Variants in KANSL1 observed in about 807,000 individuals in gnomAD.
KANSL1 encodes KAT8 regulatory NSL complex subunit 1.
KANSL1 carries 22 observed loss-of-function variants against 103.6 expected under a neutral mutation model. The observed-to-expected ratio is 0.21, with a 90% CI of 0.15 to 0.30. The LOEUF (loss-of-function observed/expected upper bound fraction) is 0.30, where lower values mean the gene tolerates loss of function less well. Among genes scored for constraint, KANSL1 ranks in the 10% least tolerant of loss-of-function variants. The pLI is 1.00. For synonymous variants in KANSL1, 600 were observed against 527.6 expected (o/e 1.14, Z -1.88); for missense variants, 1,337 against 1,399.8 (o/e 0.96, Z 0.72).
chr17:46,210,497 A>AT (rs1416449800), intron 1 of KANSL1, among the ~76,000 whole-genome samples: 2 of 516 alleles, frequency 3.9e-3, no homozygotes, highest in East Asian at 0.25. Flanking sequence ...AAAAAAAAAA[A>AT]AAAAAGACCT....
At chr17:46,196,859 C>A, upstream of KANSL1, 1 of 175,334 alleles carries the variant, frequency 5.7e-6, no homozygotes, top group Non-Finnish European at 1.2e-5. Flanking sequence ...ATAATCCCAG[C>A]ACTTTGAGAG....
intron 2 of KANSL1, among the ~76,000 whole-genome samples, chr17:46,168,733 C>A (rs543138215): frequency 9.8e-5 from 15 of 152,350 alleles, no homozygotes; most frequent in African/African-American, 3.6e-4. Flanking sequence ...CATGAAAATT[C>A]AACTTTTTAA....
intron 1 of KANSL1, among the ~76,000 whole-genome samples, chr17:46,218,425 C>T (rs2048407611): frequency 6.6e-6 from 1 of 152,238 alleles, no homozygotes; most frequent in Non-Finnish European, 1.5e-5. Context: ...AATGAGCTTA[C>T]CCAGTATCAC....
rs1268421575 is a variant in KANSL1 at position 46,146,870 on chromosome 17, C to T, written c.1289+23985G>A. On this transcript the variant is annotated intron_variant, in intron 2 of 14. Coordinates refer to ENST00000432791, the MANE Select transcript of KANSL1 (RefSeq NM_015443.4). ...AAAAAAAAAAAAAGAAGTTGACAGG[C>T]CTAAAAGGTTTCACATTTAGATGTT... Among the ~76,000 whole-genome samples the T allele has an allele frequency of 4.0e-5, 6 of 149,632 alleles. No homozygotes were observed. The East Asian group carries it at 1.2e-3, about 29-fold the overall frequency.
intron 3 of KANSL1, among the ~76,000 whole-genome samples, chr17:46,085,931 A>T (rs964392486): frequency 6.6e-6 from 1 of 152,204 alleles, no homozygotes; most frequent in Non-Finnish European, 1.5e-5. Flanking sequence ...CCCAGCCTTT[A>T]ATTGTTAACT....
intron 6 of KANSL1, among the ~76,000 whole-genome samples, chr17:46,053,645 C>G (rs1259427689): frequency 6.6e-6 from 1 of 152,120 alleles, no homozygotes; most frequent in East Asian, 1.9e-4. Context: ...CATTGTTAGC[C>G]AGGATGGTCT....
At chr17:46,070,481 G>C (rs946129936) in intron 4 of KANSL1, among the ~76,000 whole-genome samples, 2 of 152,036 alleles carry the variant, frequency 1.3e-5, no homozygotes, top group African/African-American at 4.8e-5. Flanking sequence ...CCTCCTGAAT[G>C]CTAGTAAGGA....
chr17:46,112,431 T>C (rs1224487666), intron 2 of KANSL1, among the ~76,000 whole-genome samples: 1 of 138,406 alleles, frequency 7.2e-6, no homozygotes, highest in African/African-American at 2.7e-5. Context: ...ACGCTTGTAA[T>C]CTCAGCCCTT....
intron 2 of KANSL1, among the ~76,000 whole-genome samples, chr17:46,123,272 G>C (rs1416486229): frequency 1.3e-5 from 2 of 152,200 alleles, no homozygotes; most frequent in Non-Finnish European, 2.9e-5. Context: ...AGCTACTCAG[G>C]AGGCTGAGGC....
chr17:46,156,883 A>C (rs1312803469), intron 2 of KANSL1: 1 of 147,660 alleles, frequency 6.8e-6, no homozygotes, highest in Non-Finnish European at 1.5e-5. Flanking sequence ...TGGGTGACAG[A>C]GTGAGACTCT....
At position 46,153,031 on chromosome 17, in the gene KANSL1, T is replaced by C. The variant is rs553845901; in HGVS notation, c.1289+17824A>G. The stretch of plus-strand genomic sequence containing the variant: ...ATAAAACATTACAAACTTAAAGCAG[T>C]ATTTTTTAAAATCTAAAGGGCTTAG... On this transcript the variant is annotated intron_variant, in intron 2 of 14. Transcript: ENST00000432791. 5 of 152,360 alleles carry C rather than the reference T, an allele frequency of 3.3e-5. No homozygotes were observed. In the East Asian group the frequency reaches 9.6e-4, roughly 29 times the overall value. The allele number at this position is 152,360 out of a possible 1,614,324, so 9.4% of individuals were successfully genotyped here.
chr17:46,182,365 T>G (rs144284651), intron 1 of KANSL1, among the ~76,000 whole-genome samples: 6 of 152,328 alleles, frequency 3.9e-5, no homozygotes, highest in African/African-American at 1.2e-4. Context: ...GAACAGTGAT[T>G]TGTGATGAAG....
intron 2 of KANSL1, among the ~76,000 whole-genome samples, chr17:46,126,396 C>T (rs1265400533): frequency 6.6e-6 from 1 of 152,036 alleles, no homozygotes; most frequent in Non-Finnish European, 1.5e-5. Flanking sequence ...GAGTCGAGAT[C>T]GCGCCATTGC....
intron 2 of KANSL1, among the ~76,000 whole-genome samples, chr17:46,139,027 C>T (rs1212867762): frequency 2.0e-5 from 3 of 152,176 alleles, no homozygotes; most frequent in East Asian, 3.8e-4. Flanking sequence ...TTCTAATCTG[C>T]TAAGAAGTCT....
At chr17:46,062,354 GCTTT>G (rs1263127886) in intron 6 of KANSL1, among the ~76,000 whole-genome samples, 15 of 109,642 alleles carry the variant, frequency 1.4e-4, no homozygotes, top group African/African-American at 4.2e-4. Flanking sequence ...TATAACAACA[GCTTT>G]TTTTTTTTTT....
intron 2 of KANSL1, among the ~76,000 whole-genome samples, chr17:46,119,267 T>TA (rs985447518): frequency 1.3e-5 from 2 of 152,080 alleles, no homozygotes; most frequent in African/African-American, 4.8e-5. Flanking sequence ...CAAGCACAGG[T>TA]AAAATCTACA....
At chr17:46,197,339 C>T (rs1221027368), upstream of KANSL1, among the ~76,000 whole-genome samples, 1 of 152,188 alleles carries the variant, frequency 6.6e-6, no homozygotes, top group Non-Finnish European at 1.5e-5. Flanking sequence ...ATCGTCTACT[C>T]ACTTCACTTG....
intron 2 of KANSL1, among the ~76,000 whole-genome samples, chr17:46,162,545 G>A (rs563244475): frequency 3.3e-4 from 50 of 152,278 alleles, no homozygotes; most frequent in Non-Finnish European, 2.9e-5. Flanking sequence ...AAAAATCTGG[G>A]AATCACCCAT....
intron 2 of KANSL1, among the ~76,000 whole-genome samples, chr17:46,105,945 ACACCCC>A (rs774321414): frequency 0.011 from 967 of 90,338 alleles, 25 homozygotes; most frequent in African/African-American, 0.036. Context: ...ACACACACAC[ACACCCC>A]CCCAGAAGGG....
Sources: allele counts gnomAD v4.1 joint callset (sites outside exome capture counted in the v4.1 genomes callset), GRCh38; gene constraint gnomAD v4.1.1; transcripts MANE v1.5; gene names NCBI Gene and HGNC (gene_info 2026-07-23, HGNC 2026-07-21).